Variants in ABI3BP observed in about 807,000 individuals in gnomAD.
The protein encoded by ABI3BP is target of Nesh-SH3.
A neutral mutation model predicts 268.6 loss-of-function variants in ABI3BP; 216 were observed. The observed-to-expected ratio is 0.80, with a 90% CI of 0.72 to 0.90. ABI3BP has a LOEUF of 0.90. ABI3BP is among the 40% of genes least tolerant of loss of function. The pLI, the probability that ABI3BP is intolerant of heterozygous loss-of-function variation, is 0.00. For missense variants in ABI3BP, 2,090 were observed against 2,182.4 expected (o/e 0.96, Z 0.84); for synonymous variants, 730 against 730.0 (o/e 1.00, Z 0.00).
chr3:100,929,946 T>C (rs886432293), intron 1 of ABI3BP, among the ~76,000 whole-genome samples: 1 of 152,092 alleles, frequency 6.6e-6, no homozygotes, highest in African/African-American at 2.4e-5. Flanking sequence ...GTGTATTAAA[T>C]GACATTTTAC....
At chr3:100,896,943 A>AT (rs1174477250) in intron 4 of ABI3BP, among the ~76,000 whole-genome samples, 26 of 152,128 alleles carry the variant, frequency 1.7e-4, no homozygotes, top group African/African-American at 6.0e-4. Flanking sequence ...GGGAAATTTG[A>AT]TTTTTTTCTT....
Position 100,867,010 on chromosome 3 carries a change from T to TC in ABI3BP, c.911-55dup. 6 of 1,336,982 alleles carry TC rather than the reference T, an allele frequency of 4.5e-6. No individual in the cohort carries two copies. The South Asian group carries it at 7.1e-5, about 16-fold the overall frequency. 82.8% of individuals were successfully genotyped at this position (1,336,982 alleles called of 1,614,324 possible). A position where few individuals can be genotyped will look rare whatever the true frequency, so the allele number is the denominator to read the frequency against. On this transcript the variant is annotated intron_variant, in intron 9 of 67. Transcript: ENST00000471714. ...CTCACTTGCAGTGTCCAAAAATACC[T>TC]CCCTCAATGCATAATCAAGTAGCAG...
intron 63 of ABI3BP, among the ~76,000 whole-genome samples, chr3:100,758,669 G>T (rs2095767657): frequency 6.6e-6 from 1 of 152,132 alleles, no homozygotes; most frequent in Non-Finnish European, 1.5e-5. Flanking sequence ...ATTGAGTCTA[G>T]AAAGCACTAA....
At position 100,921,400 on chromosome 3, in the gene ABI3BP, C is replaced by T. The variant is rs182823532; in HGVS notation, c.259+4902G>A. On this transcript the variant is annotated intron_variant, in intron 2 of 67. Coordinates refer to ENST00000471714, the MANE Select transcript of ABI3BP (RefSeq NM_001375547.2). ...TTAAGTATGAGTCTTTAAAGGTCAA[C>T]GCTGAGAAAGTTCTCAGCTAATGAG... 7.2e-5 allele frequency among the ~76,000 whole-genome samples: 11 copies of T among 152,124 alleles called. No individual in the cohort carries two copies. The East Asian group carries it at 1.5e-3, about 21-fold the overall frequency.
At chr3:100,854,055 G>A (rs925339933) in intron 14 of ABI3BP, among the ~76,000 whole-genome samples, 12 of 151,960 alleles carry the variant, frequency 7.9e-5, no homozygotes, top group African/African-American at 2.9e-4. Context: ...TTTTGATTCA[G>A]AAGTAAAGAG....
chr3:100,885,855 T>C (rs6786332), intron 5 of ABI3BP, among the ~76,000 whole-genome samples: 108,415 of 151,522 alleles, frequency 0.72, 39,914 homozygotes, highest in Non-Finnish European at 0.8. Context: ...TTTTTCTGGT[T>C]CTGTTGGTGT....
chr3:100,971,220 T>C (rs151263411), intron 1 of ABI3BP, among the ~76,000 whole-genome samples: 45 of 152,284 alleles, frequency 3.0e-4, no homozygotes, highest in African/African-American at 1.0e-3. Context: ...ACAGAAGAGG[T>C]GACCACTTAT....
chr3:100,874,521 G>A (rs574150240), intron 9 of ABI3BP, among the ~76,000 whole-genome samples: 23 of 151,806 alleles, frequency 1.5e-4, no homozygotes, highest in East Asian at 5.8e-4. Context: ...ATACCTAGTC[G>A]CCCCATAATA....
At chr3:100,862,780 C>A (rs2099012221) in intron 13 of ABI3BP, 58 bp downstream of exon 13, 1 of 1,215,832 alleles carries the variant, frequency 8.2e-7, no homozygotes, top group Admixed American at 2.2e-5. Flanking sequence ...ATGTGTCCTG[C>A]AGAATTAAGC....
chr3:100,835,668 A>G lies in ABI3BP; in HGVS notation c.2132-8T>C. 1.3e-6 allele frequency: 2 copies of G among 1,530,942 alleles called. No individual in the cohort carries two copies. Among genetic ancestry groups the G allele is most frequent in the Non-Finnish European group, 1.7e-6 (2 of 1,143,030 alleles). 94.8% of individuals were successfully genotyped at this position (1,530,942 alleles called of 1,614,324 possible). ...CAATGTCTGTGGTGGGAACTAACCA[A>G]AAGCAATACAATAAACAATGGAGAT... On this transcript the variant is annotated splice_region_variant and splice_polypyrimidine_tract_variant and intron_variant, in intron 27 of 67. Transcript: ENST00000471714.
At position 100,810,307 on chromosome 3, in the gene ABI3BP, CTG is replaced by C. The variant is rs754396374; in HGVS notation, c.3607+103_3607+104del. 4.8e-4 allele frequency: 449 copies of C among 934,556 alleles called. 1 individual carries two copies. The highest frequency in any genetic ancestry group is 6.6e-4 in the Non-Finnish European group (410 of 624,720). 57.9% of individuals were successfully genotyped at this position (934,556 alleles called of 1,614,324 possible). On this transcript the variant is annotated intron_variant, in intron 49 of 67. Coordinates refer to ENST00000471714, the MANE Select transcript of ABI3BP (RefSeq NM_001375547.2). ...GACAGGTAGGATTACCCATCAAAGT[CTG>C]TGGGCAGAATGATGAAGTCAGGGCC...
intron 62 of ABI3BP, among the ~76,000 whole-genome samples, chr3:100,769,809 G>T (rs2096483751): frequency 6.6e-6 from 1 of 152,204 alleles, no homozygotes; most frequent in African/African-American, 2.4e-5. Context: ...ACAAAGGCTA[G>T]CTTTGCATGA....
At chr3:100,832,993 C>T in intron 30 of ABI3BP, 132 bp downstream of exon 30, 1 of 756,690 alleles carries the variant, frequency 1.3e-6, no homozygotes, top group Non-Finnish European at 2.0e-6. Context: ...AAAAAGCAAG[C>T]TTTCCATATT....
chr3:100,831,124 C>G (rs1265149962), intron 31 of ABI3BP, among the ~76,000 whole-genome samples: 2 of 152,282 alleles, frequency 1.3e-5, no homozygotes, highest in South Asian at 2.1e-4. Flanking sequence ...CTGGTGTTAA[C>G]ACCTTTGAGT....
chr3:100,760,497 T>TA (rs1390332327), intron 63 of ABI3BP, among the ~76,000 whole-genome samples: 1 of 152,066 alleles, frequency 6.6e-6, no homozygotes, highest in South Asian at 2.1e-4. Flanking sequence ...GACAGAGATT[T>TA]AAAGACAAAA....
intron 56 of ABI3BP, 94 bp downstream of exon 56, chr3:100,789,360 G>A (rs1179165314): frequency 8.3e-7 from 1 of 1,200,438 alleles, no homozygotes; most frequent in Non-Finnish European, 1.2e-6. Flanking sequence ...TTATTGCAAT[G>A]TAAGGGTTCC....
intron 66 of ABI3BP, among the ~76,000 whole-genome samples, chr3:100,751,963 C>T (rs115859388): frequency 2.1e-4 from 32 of 152,338 alleles, no homozygotes; most frequent in African/African-American, 7.5e-4. Flanking sequence ...TCAAACTCCA[C>T]ATGATTTCAC....
In ABI3BP at chr3:100,885,598, C is replaced by G. The variant is rs2041608505; in HGVS notation, c.644-10G>C. The G allele has an allele frequency of 6.6e-7, 1 of 1,520,626 alleles. No individual in the cohort carries two copies. The highest frequency in any genetic ancestry group is 8.9e-7 in the Non-Finnish European group (1 of 1,117,946). The allele number at this position is 1,520,626 out of a possible 1,614,324, so 94.2% of individuals were successfully genotyped here. ...CCATTTACTTTTTTACCTGATGAAA[C>G]AAGGGAAAAATAACATTATTTTTAT... On this transcript the variant is annotated splice_polypyrimidine_tract_variant and intron_variant, in intron 5 of 67. Coordinates refer to ENST00000471714, the MANE Select transcript of ABI3BP (RefSeq NM_001375547.2).
rs771533027 is a variant in ABI3BP at position 100,778,285 on chromosome 3, T to C, written c.4332A>G (p.Ala1444=). ...AAGGAAGGTACATGACTAACGTACC[T>C]GCACTTCCTGGCTTTCCAGTGACAT... ...PNNVTGKPGS[A]GIISSGPITT... The change falls in exon 59 of 68, where the codon GCA becomes GCG. Residue 1444 remains alanine (A), a splice_region_variant and synonymous_variant. Transcript: ENST00000471714. 2 of 1,613,408 alleles carry C rather than the reference T, an allele frequency of 1.2e-6. No homozygotes were observed.
Sources: allele counts gnomAD v4.1 joint callset (sites outside exome capture counted in the v4.1 genomes callset), GRCh38; gene constraint gnomAD v4.1.1; transcripts MANE v1.5; gene names NCBI Gene and HGNC (gene_info 2026-07-23, HGNC 2026-07-21).